Variants in GTF2F1 observed in about 807,000 individuals in gnomAD.
GTF2F1 encodes the protein general transcription factor IIF subunit 1, also known as general transcription factor IIF 74 kDa subunit.
Under a neutral mutation model 63.5 loss-of-function variants are expected in GTF2F1, and 39 were observed. The observed-to-expected ratio is 0.61, with a 90% CI of 0.48 to 0.80. The LOEUF (loss-of-function observed/expected upper bound fraction) is 0.80, where lower values mean the gene tolerates loss of function less well. Ranked by LOEUF, GTF2F1 falls within the 30% of genes least tolerant of loss-of-function variation. The pLI, the probability that GTF2F1 is intolerant of heterozygous loss-of-function variation, is 0.00. For missense variants in GTF2F1, 657 were observed against 718.3 expected (o/e 0.91, Z 0.97); for synonymous variants, 287 against 285.3 (o/e 1.01, Z -0.06).
intron 4 of GTF2F1, among the ~76,000 whole-genome samples, chr19:6,388,852 G>A (rs2145081219): frequency 6.6e-6 from 1 of 152,304 alleles, no homozygotes; most frequent in South Asian, 2.1e-4. Context: ...GGATGCTGAG[G>A]TGGGAAGATC....
intron 4 of GTF2F1, among the ~76,000 whole-genome samples, chr19:6,387,869 T>C (rs2091979786): frequency 6.6e-6 from 1 of 150,596 alleles, no homozygotes; most frequent in Admixed American, 6.6e-5. Context: ...CCAGCTCTGC[T>C]ATCTGTGGGC....
rs1187835213 is a variant in GTF2F1 at position 6,389,544 on chromosome 19, G to A, written c.226C>T (p.Arg76Trp). Residue 76 changes from arginine (R) to tryptophan (W), a missense_variant, in exon 4 of 13, where the codon CGG (arginine) becomes TGG (tryptophan). Physicochemically the swap from Arg to Trp is moderately radical, Grantham distance 101 (BLOSUM62 -3). This residue lies in a region of GTF2F1 where 602 missense variants were observed against 625.6 expected (regional missense o/e 0.96). Coordinates refer to ENST00000394456, the MANE Select transcript of GTF2F1 (RefSeq NM_002096.3). The part of the protein sequence containing the change: ...GAGSEFNRKL[R>W]EEARRKKYGI... ...TACTTCTTCCTCCGAGCCTCCTCCCGAAGCTTGCGGTTGAACTCACTGCCC... is the reference window on the plus strand; with the variant it reads ...TACTTCTTCCTCCGAGCCTCCTCCCAAAGCTTGCGGTTGAACTCACTGCCC... The A allele has an allele frequency of 3.1e-6, 5 of 1,614,078 alleles. No homozygotes were observed. Among genetic ancestry groups the A allele is most frequent in the South Asian group, 1.1e-5 (1 of 91,094 alleles).
chr19:6,391,439 GTTTTTTT>G (rs11340944), intron 3 of GTF2F1, among the ~76,000 whole-genome samples: 12 of 87,414 alleles, frequency 1.4e-4, no homozygotes, highest in Non-Finnish European at 2.3e-4. Context: ...TGCCATTTCC[GTTTTTTT>G]TTTTTTTTTT....
Position 6,387,743 on chromosome 19 carries a change from G to A in GTF2F1, c.327-184C>T, listed in dbSNP as rs1038629990. ...ATTTCCACATCTGGGGAACAGGGCCGGCGCACCTACCCTGCAAAGTGCTGG... is the reference window on the plus strand; with the variant it reads ...ATTTCCACATCTGGGGAACAGGGCCAGCGCACCTACCCTGCAAAGTGCTGG... On this transcript the variant is annotated intron_variant, in intron 4 of 12. Coordinates refer to ENST00000394456, the MANE Select transcript of GTF2F1 (RefSeq NM_002096.3). 2.3e-4 allele frequency among the ~76,000 whole-genome samples: 35 copies of A among 150,558 alleles called. 1 individual carries two copies. The highest frequency in any genetic ancestry group is 8.0e-4 in the African/African-American group (33 of 41,304).
At position 6,383,538 on chromosome 19, in the gene GTF2F1, A is replaced by T; in HGVS notation, c.498-43T>A. ...GGGGGCTCATGCCGGGCCTGGCACCACCCTGCATCTGTGCTTGCAGGGGGC... is the reference window on the plus strand; with the variant it reads ...GGGGGCTCATGCCGGGCCTGGCACCTCCCTGCATCTGTGCTTGCAGGGGGC... On this transcript the variant is annotated intron_variant, in intron 5 of 12. Transcript: ENST00000394456. This position sits in a 1 kb window ranked among gnomAD's most constrained non-coding sequence, Gnocchi z 4.5. 1 of 1,593,304 alleles carries T rather than the reference A, an allele frequency of 6.3e-7. No individual in the cohort carries two copies. The highest frequency in any genetic ancestry group is 8.6e-7 in the Non-Finnish European group (1 of 1,168,068).
intron 2 of GTF2F1, 85 bp from the exon 3 acceptor site, chr19:6,392,059 TTCAA>T (rs1344045421): frequency 5.5e-6 from 4 of 732,192 alleles, no homozygotes; most frequent in Admixed American, 2.1e-5. Context: ...GAACCATTAA[TTCAA>T]TCAACCACCC....
Position 6,389,360 on chromosome 19 carries a change from A to C in GTF2F1, c.326+84T>G. On this transcript the variant is annotated intron_variant, in intron 4 of 12. Coordinates refer to ENST00000394456, the MANE Select transcript of GTF2F1 (RefSeq NM_002096.3). Reference sequence around the variant, plus strand: ...AGCAGTGGGAATCTGAGGTTCAGAGAGGGTACCCCACAAAGTATGTAAGTT... The same window carrying C: ...AGCAGTGGGAATCTGAGGTTCAGAGCGGGTACCCCACAAAGTATGTAAGTT... 4.2e-6 allele frequency: 5 copies of C among 1,199,608 alleles called. No individual in the cohort carries two copies. In the South Asian group the frequency reaches 4.7e-5, roughly 11 times the overall value. 74.3% of individuals were successfully genotyped at this position (1,199,608 alleles called of 1,614,324 possible).
chr19:6,387,419 G>A lies in GTF2F1; in HGVS notation c.467C>T (p.Thr156Ile), dbSNP rs1397159169. The A allele has an allele frequency of 6.2e-7, 1 of 1,614,240 alleles. No homozygotes were observed. Among genetic ancestry groups the A allele is most frequent in the Non-Finnish European group, 8.5e-7 (1 of 1,180,028 alleles). The part of the protein sequence containing the change: ...FTPLARHRTL[T>I]AEEAEEEWER... ...CCACTCCTCCTCGGCCTCCTCGGCAGTGAGCGTGCGATGCCGGGCCAGCGG... is the reference window on the plus strand; with the variant it reads ...CCACTCCTCCTCGGCCTCCTCGGCAATGAGCGTGCGATGCCGGGCCAGCGG... The change falls in exon 5 of 13, where the codon ACT (threonine) becomes ATT (isoleucine). Residue 156 changes from threonine (T) to isoleucine (I), a missense_variant. Thr to Ile is a moderately conservative substitution (Grantham distance 89, BLOSUM62 -1). This residue lies in a region of GTF2F1 where 602 missense variants were observed against 625.6 expected (regional missense o/e 0.96). Coordinates refer to ENST00000394456, the MANE Select transcript of GTF2F1 (RefSeq NM_002096.3).
Position 6,381,689 on chromosome 19 carries a change from G to A in GTF2F1, c.836+8C>T, listed in dbSNP as rs78149805. 0.08 allele frequency: 129,534 copies of A among 1,614,056 alleles called. 5,971 individuals carry two copies. Among genetic ancestry groups the A allele is most frequent in the Non-Finnish European group, 0.095 (111,948 of 1,179,978 alleles). ...TGGGGTCTCGCAGGCGCCTCCCGTC[G>A]GCCTCACCTGGAGCCGTCTGACATG... On this transcript the variant is annotated splice_region_variant and intron_variant, in intron 7 of 12. Transcript: ENST00000394456. This position sits in a 1 kb window ranked among gnomAD's most constrained non-coding sequence, Gnocchi z 4.1.
At chr19:6,392,214 C>T (rs1052012434) in intron 2 of GTF2F1, 4 of 563,772 alleles carry the variant, frequency 7.1e-6, no homozygotes, top group Non-Finnish European at 1.3e-5. Flanking sequence ...CAGCTTCATT[C>T]AGCCTGTTTT....
chr19:6,380,155 G>C lies in GTF2F1; in HGVS notation c.*126C>G. On this transcript the variant is annotated 3_prime_UTR_variant, in exon 13 of 13. Transcript: ENST00000394456. The surrounding 1 kb of genome is among the most constrained non-coding windows in gnomAD (Gnocchi z 5.3). ...GTCAGGGAGCAAGCAGGATGTCGAA[G>C]GGTCACTGAGAGCCTGAAGTTCTGG... 1 of 838,070 alleles carries C rather than the reference G, an allele frequency of 1.2e-6. No homozygotes were observed. The highest frequency in any genetic ancestry group is 2.0e-6 in the Non-Finnish European group (1 of 489,162). The allele number at this position is 838,070 out of a possible 1,614,324, so 51.9% of individuals were successfully genotyped here.
intron 6 of GTF2F1, among the ~76,000 whole-genome samples, 180 bp from the exon 7 acceptor site, chr19:6,382,030 C>T (rs1222167943): frequency 6.6e-6 from 1 of 152,080 alleles, no homozygotes; most frequent in Non-Finnish European, 1.5e-5. Context: ...CGGCAGACCC[C>T]ACACCCCCAC....
In GTF2F1 at chr19:6,393,122, A is replaced by G; in HGVS notation, c.-127T>C. On this transcript the variant is annotated 5_prime_UTR_variant, in exon 1 of 13. Transcript: ENST00000394456. The stretch of plus-strand genomic sequence containing the variant: ...GTCTCTGTGCCTGAGCGAGGACCCC[A>G]ACCCTAGGCGCCTCTGGCGCTGGGA... 1 of 1,236,120 alleles carries G rather than the reference A, an allele frequency of 8.1e-7. No homozygotes were observed. Among genetic ancestry groups the G allele is most frequent in the African/African-American group, 1.5e-5 (1 of 66,888 alleles). 76.6% of individuals were successfully genotyped at this position (1,236,120 alleles called of 1,614,324 possible).
chr19:6,391,003 T>C (rs183586744), intron 3 of GTF2F1, among the ~76,000 whole-genome samples: 4 of 152,352 alleles, frequency 2.6e-5, no homozygotes, highest in Admixed American at 2.6e-4. Context: ...CGAATTACCC[T>C]TAAGCTCTTG....
Position 6,391,881 on chromosome 19 carries a change from C to T in GTF2F1, c.132+21G>A, listed in dbSNP as rs2091999595. 16 of 1,460,118 alleles carry T rather than the reference C, an allele frequency of 1.1e-5. No homozygotes were observed. The East Asian group carries it at 2.3e-4, about 21-fold the overall frequency. 90.4% of individuals were successfully genotyped at this position (1,460,118 alleles called of 1,614,324 possible). A position where few individuals can be genotyped will look rare whatever the true frequency, so the allele number is the denominator to read the frequency against. On this transcript the variant is annotated intron_variant, in intron 3 of 12. Coordinates refer to ENST00000394456, the MANE Select transcript of GTF2F1 (RefSeq NM_002096.3). ...TTCTCTCACCACCCCAGCCCCTGACCCCCAGGACTCAGAGACTTACCTGAT... is the reference window on the plus strand; with the variant it reads ...TTCTCTCACCACCCCAGCCCCTGACTCCCAGGACTCAGAGACTTACCTGAT...
chr19:6,380,877 G>T lies in GTF2F1; in HGVS notation c.1231+27C>A. The stretch of plus-strand genomic sequence containing the variant: ...TCAGGAGGCTGTGGCTGTGGCTGTG[G>T]GGAGCGGGGAGGCCACGGGCACTCA... On this transcript the variant is annotated intron_variant, in intron 11 of 12. Transcript: ENST00000394456. The surrounding 1 kb of genome is among the most constrained non-coding windows in gnomAD (Gnocchi z 5.3). The T allele has an allele frequency of 6.5e-7, 1 of 1,530,636 alleles. No homozygotes were observed. The highest frequency in any genetic ancestry group is 2.4e-5 in the East Asian group (1 of 42,526). The allele number at this position is 1,530,636 out of a possible 1,614,324, so 94.8% of individuals were successfully genotyped here.
At chr19:6,384,873 T>C (rs2091968385) in intron 5 of GTF2F1, among the ~76,000 whole-genome samples, 1 of 149,004 alleles carries the variant, frequency 6.7e-6, no homozygotes, top group Non-Finnish European at 1.5e-5. Context: ...AACCTCCACC[T>C]CCCGGGTTCA....
At position 6,380,199 on chromosome 19, in the gene GTF2F1, G is replaced by A. The variant is rs573003291; in HGVS notation, c.*82C>T. 10 of 1,175,676 alleles carry A rather than the reference G, an allele frequency of 8.5e-6. No homozygotes were observed. Among genetic ancestry groups the A allele is most frequent in the South Asian group, 1.2e-5 (1 of 81,846 alleles). 72.8% of individuals were successfully genotyped at this position (1,175,676 alleles called of 1,614,324 possible). A position where few individuals can be genotyped will look rare whatever the true frequency, so the allele number is the denominator to read the frequency against. On this transcript the variant is annotated 3_prime_UTR_variant, in exon 13 of 13. Coordinates refer to ENST00000394456, the MANE Select transcript of GTF2F1 (RefSeq NM_002096.3). This position sits in a 1 kb window ranked among gnomAD's most constrained non-coding sequence, Gnocchi z 5.3. Reference sequence around the variant, plus strand: ...GTTCTGGAGGGCAGAGCCATGTATTGGACAGAGCCTCACTCTAGGATGGCG... The same window carrying A: ...GTTCTGGAGGGCAGAGCCATGTATTAGACAGAGCCTCACTCTAGGATGGCG...
At chr19:6,392,563 C>T (rs1358564966) in intron 2 of GTF2F1, among the ~76,000 whole-genome samples, 1 of 152,216 alleles carries the variant, frequency 6.6e-6, no homozygotes, top group Non-Finnish European at 1.5e-5. Flanking sequence ...CACTTTGAAA[C>T]AGGACGAGGA....
Sources: gnomAD v4.1 joint callset for allele counts (sites outside exome capture counted in the v4.1 genomes callset) on GRCh38, gnomAD v4.1.1 for gene constraint, gnomAD v4.1.1 regional missense constraint, Gnocchi (gnomAD v3.1) non-coding constraint, MANE v1.5 for transcripts, NCBI Gene and HGNC (gene_info 2026-07-23, HGNC 2026-07-21) for gene names.